STUM: variants seen among roughly 807,000 people sequenced by gnomAD.
STUM encodes protein stum homolog.
Under a neutral mutation model 15.3 loss-of-function variants are expected in STUM, and 8 were observed. The ratio of observed to expected loss-of-function variants is 0.52; its 90% CI spans 0.31 to 0.94. The LOEUF is 0.94. STUM is among the 40% of genes least tolerant of loss of function. The pLI is 0.05. For synonymous variants in STUM, 78 were observed against 88.7 expected (o/e 0.88, Z 0.68); for missense variants, 142 against 204.9 (o/e 0.69, Z 1.87).
rs1261832415 is a variant in STUM at position 226,552,430 on chromosome 1, C to G, written c.202+3324C>G. On this transcript the variant is annotated intron_variant, in intron 1 of 3. Transcript: ENST00000366788. The surrounding 1 kb of genome is among the most constrained non-coding windows in gnomAD (Gnocchi z 4.7). ...CAATTAGGGTGTTTATAAGTATATA[C>G]ACGATTATTCATACCTGTAATGAAA... Among the ~76,000 whole-genome samples, 1 of 152,168 alleles carries G rather than the reference C, an allele frequency of 6.6e-6. No homozygotes were observed. The highest frequency in any genetic ancestry group is 1.9e-4 in the East Asian group (1 of 5,204).
chr1:226,555,348 G>C (rs1434832760), intron 1 of STUM, among the ~76,000 whole-genome samples: 3 of 152,120 alleles, frequency 2.0e-5, no homozygotes, highest in African/African-American at 7.2e-5. Context: ...CCTTCTCAGT[G>C]TCTCCACTTG....
intron 1 of STUM, among the ~76,000 whole-genome samples, chr1:226,562,347 T>C (rs11590563): frequency 0.23 from 35,238 of 151,714 alleles, 4,781 homozygotes; most frequent in Non-Finnish European, 0.31. Flanking sequence ...TGCATGCCTG[T>C]AGTCTCAGTT....
intron 1 of STUM, among the ~76,000 whole-genome samples, chr1:226,570,915 G>GACTT (rs1395172650): frequency 6.6e-6 from 1 of 152,080 alleles, no homozygotes; most frequent in Non-Finnish European, 1.5e-5. Context: ...TATTGAAAAA[G>GACTT]ACTTATTAAA....
chr1:226,548,842 G>T lies in STUM; in HGVS notation c.-63G>T. ...CGGAGCCCGCAGCCGACAGTCTCCT[G>T]CTCCCGTACGCTGGGCGCCAGCTCC... On this transcript the variant is annotated 5_prime_UTR_variant, in exon 1 of 4. Coordinates refer to ENST00000366788, the MANE Select transcript of STUM (RefSeq NM_001003665.4). 1.0e-5 allele frequency: 13 copies of T among 1,248,470 alleles called. No homozygotes were observed. The highest frequency in any genetic ancestry group is 1.3e-5 in the Non-Finnish European group (13 of 990,440). The allele number at this position is 1,248,470 out of a possible 1,614,324, so 77.3% of individuals were successfully genotyped here. A position where few individuals can be genotyped will look rare whatever the true frequency, so the allele number is the denominator to read the frequency against.
At chr1:226,573,969 G>C (rs1294322701) in intron 1 of STUM, among the ~76,000 whole-genome samples, 7 of 151,962 alleles carry the variant, frequency 4.6e-5, no homozygotes, top group African/African-American at 1.7e-4. Flanking sequence ...CGAGTAGCTG[G>C]GATTACAGGT....
At chr1:226,551,640 C>T (rs1021426895) in intron 1 of STUM, among the ~76,000 whole-genome samples, 1 of 152,254 alleles carries the variant, frequency 6.6e-6, no homozygotes, top group African/African-American at 2.4e-5. Context: ...TGAAATGCAG[C>T]TTCTTTCAAT....
Position 226,600,566 on chromosome 1 carries a change from C to T in STUM, c.383-100C>T. The T allele has an allele frequency of 6.9e-7, 1 of 1,439,504 alleles. No homozygotes were observed. The highest frequency in any genetic ancestry group is 1.1e-5 in the South Asian group (1 of 87,260). 89.2% of individuals were successfully genotyped at this position (1,439,504 alleles called of 1,614,324 possible). Reference sequence around the variant, plus strand: ...GCCTCACCATGGATCTGCTTTGTTTCCTGTGCCAAGCGTTCCCTGTGGCTC... The same window carrying T: ...GCCTCACCATGGATCTGCTTTGTTTTCTGTGCCAAGCGTTCCCTGTGGCTC... On this transcript the variant is annotated intron_variant, in intron 2 of 3. Coordinates refer to ENST00000366788, the MANE Select transcript of STUM (RefSeq NM_001003665.4). This position sits in a 1 kb window ranked among gnomAD's most constrained non-coding sequence, Gnocchi z 5.2.
At position 226,565,866 on chromosome 1, in the gene STUM, T is replaced by A. The variant is rs544320818; in HGVS notation, c.202+16760T>A. ...ATCGCTGCCTTCCCGGAATGTCATC[T>A]CCCTCTTTCACCTGGAGCCTTCATT... On this transcript the variant is annotated intron_variant, in intron 1 of 3. Transcript: ENST00000366788. The surrounding 1 kb of genome is among the most constrained non-coding windows in gnomAD (Gnocchi z 4.4). 1.3e-5 allele frequency among the ~76,000 whole-genome samples: 2 copies of A among 152,252 alleles called. No homozygotes were observed. Among genetic ancestry groups the A allele is most frequent in the African/African-American group, 4.8e-5 (2 of 41,536 alleles).
chr1:226,577,521 T>A (rs61836979), intron 1 of STUM, among the ~76,000 whole-genome samples: 2 of 135,012 alleles, frequency 1.5e-5, no homozygotes, highest in Non-Finnish European at 3.2e-5. Context: ...ACACACACAC[T>A]CACACACTCA....
At chr1:226,579,319 G>T (rs2102700423) in intron 1 of STUM, among the ~76,000 whole-genome samples, 1 of 152,346 alleles carries the variant, frequency 6.6e-6, no homozygotes, top group African/African-American at 2.4e-5. Context: ...CACGATAAGG[G>T]ATGCCAGCTC....
At chr1:226,592,911 C>A (rs180770909) in intron 1 of STUM, among the ~76,000 whole-genome samples, 1 of 152,146 alleles carries the variant, frequency 6.6e-6, no homozygotes, top group Non-Finnish European at 1.5e-5. Context: ...GCCACTTGGG[C>A]GCGGTGGCTC....
rs552398481 is a variant in STUM at position 226,549,641 on chromosome 1, G to A, written c.202+535G>A. ...CGCGGAGTGCGGACCGCGTGGGGAC[G>A]AGAACTCTAGCCAGAGTCTCCTCCG... On this transcript the variant is annotated intron_variant, in intron 1 of 3. Coordinates refer to ENST00000366788, the MANE Select transcript of STUM (RefSeq NM_001003665.4). This position sits in a 1 kb window ranked among gnomAD's most constrained non-coding sequence, Gnocchi z 6.8. Among the ~76,000 whole-genome samples the A allele has an allele frequency of 8.5e-5, 13 of 152,338 alleles. No individual in the cohort carries two copies. Among genetic ancestry groups the A allele is most frequent in the Admixed American group, 3.9e-4 (6 of 15,310 alleles).
rs547351166 is a variant in STUM at position 226,607,536 on chromosome 1, G to C, written c.*5496G>C. The C allele has an allele frequency of 6.6e-6, 1 of 152,464 alleles. No individual in the cohort carries two copies. The highest frequency in any genetic ancestry group is 6.5e-5 in the Admixed American group (1 of 15,304). 9.4% of individuals were successfully genotyped at this position (152,464 alleles called of 1,614,324 possible). ...GGCTTGGAGGCCCAGCCCCATCCGG[G>C]CAAGGGCTGTCCGCTCCTGCCCAGG... is the stretch of plus-strand genomic sequence containing the variant. On this transcript the variant is annotated 3_prime_UTR_variant, in exon 4 of 4. Transcript: ENST00000366788.
chr1:226,570,921 T>C (rs990013489), intron 1 of STUM, among the ~76,000 whole-genome samples: 5 of 152,156 alleles, frequency 3.3e-5, no homozygotes, highest in Non-Finnish European at 5.9e-5. Context: ...AAAAGACTTA[T>C]TAAAATATTT....
rs187272430 is a variant in STUM, at chr1:226,559,900, G to C, written c.202+10794G>C. Among the ~76,000 whole-genome samples, 720 of 152,206 alleles carry C rather than the reference G, an allele frequency of 4.7e-3. 4 individuals carry two copies. The highest frequency in any genetic ancestry group is 0.016 in the African/African-American group (661 of 41,526). Reference sequence around the variant, plus strand: ...AGGCAGGAGAATGGCGTGAACCCGGGGGGGCGGAGCTTGCAGTGAGCCGAG... The same window carrying C: ...AGGCAGGAGAATGGCGTGAACCCGGCGGGGCGGAGCTTGCAGTGAGCCGAG... On this transcript the variant is annotated intron_variant, in intron 1 of 3. Transcript: ENST00000366788.
rs1429830167 is a variant in STUM at position 226,565,899 on chromosome 1, GT to G, written c.202+16794del. On this transcript the variant is annotated intron_variant, in intron 1 of 3. Transcript: ENST00000366788. This position sits in a 1 kb window ranked among gnomAD's most constrained non-coding sequence, Gnocchi z 4.4. ...TCACCTGGAGCCTTCATTTTGGAAG[GT>G]GCAACAGCTGCCCAGCCCATTGCTT... 6.6e-6 allele frequency among the ~76,000 whole-genome samples: 1 copy of G among 152,192 alleles called. No homozygotes were observed. The highest frequency in any genetic ancestry group is 2.4e-5 in the African/African-American group (1 of 41,442).
At chr1:226,597,432 C>T (rs1435759175) in intron 2 of STUM, 1 of 472,816 alleles carries the variant, frequency 2.1e-6, no homozygotes, top group Non-Finnish European at 4.4e-6. Flanking sequence ...TGTGAGGCCA[C>T]AGTTCCTCAA....
intron 1 of STUM, among the ~76,000 whole-genome samples, chr1:226,564,016 C>T (rs1241425920): frequency 6.6e-6 from 1 of 152,222 alleles, no homozygotes; most frequent in African/African-American, 2.4e-5. Flanking sequence ...TTGCGTCCGA[C>T]TGCCCATGGC....
intron 1 of STUM, 45 bp from the exon 2 acceptor site, chr1:226,596,757 G>C: frequency 1.3e-6 from 2 of 1,565,172 alleles, no homozygotes; most frequent in Non-Finnish European, 1.8e-6. Context: ...AGACCCCTTT[G>C]TCTCCCAGTG....
Sources: allele counts gnomAD v4.1 joint callset (sites outside exome capture counted in the v4.1 genomes callset), GRCh38; gene constraint gnomAD v4.1.1; non-coding constraint Gnocchi (gnomAD v3.1); transcripts MANE v1.5; gene names NCBI Gene and HGNC (gene_info 2026-07-23, HGNC 2026-07-21).